ARHGAP10: variants seen among roughly 807,000 people sequenced by gnomAD.
ARHGAP10 encodes the protein rho GTPase-activating protein 10.
In ARHGAP10, 87 loss-of-function variants were observed where a neutral mutation model predicts 108.6. The observed-to-expected ratio is 0.80, with a 90% CI of 0.67 to 0.96. The LOEUF (loss-of-function observed/expected upper bound fraction) is 0.96, where lower values mean the gene tolerates loss of function less well. Among genes scored for constraint, ARHGAP10 ranks in the 40% least tolerant of loss-of-function variants. The probability of loss-of-function intolerance (pLI) is 0.00; values close to 1 mark genes in which losing one functional copy is unlikely to be tolerated. For synonymous variants in ARHGAP10, 347 were observed against 341.1 expected (o/e 1.02, Z -0.19); for missense variants, 939 against 954.5 (o/e 0.98, Z 0.21).
chr4:147,978,782 T>G (rs1412505874), intron 18 of ARHGAP10, among the ~76,000 whole-genome samples: 1 of 152,204 alleles, frequency 6.6e-6, no homozygotes, highest in African/African-American at 2.4e-5. Flanking sequence ...TATCTCATTG[T>G]GGTTTCAATT....
chr4:147,824,581 C>T (rs765900864), intron 3 of ARHGAP10, among the ~76,000 whole-genome samples: 6 of 152,052 alleles, frequency 3.9e-5, no homozygotes, highest in South Asian at 2.1e-4. Flanking sequence ...GGGGAGGCCT[C>T]GGGAAACTTA....
intron 15 of ARHGAP10, among the ~76,000 whole-genome samples, chr4:147,951,926 C>A (rs1738617580): frequency 6.6e-6 from 1 of 152,184 alleles, no homozygotes; most frequent in South Asian, 2.1e-4. Flanking sequence ...TTCCTCCTAC[C>A]ATTTGAAATC....
rs112306845 is a variant in ARHGAP10 at position 148,006,449 on chromosome 4, G to A, written c.1717-16814G>A. On this transcript the variant is annotated intron_variant, in intron 18 of 22. Transcript: ENST00000336498. ...CCGTCTTTTGCCTGACCCCAGCAGC[G>A]TCTGATCATTGTTGCTGTGCCATGC... Among the ~76,000 whole-genome samples, 9 of 152,222 alleles carry A rather than the reference G, an allele frequency of 5.9e-5. 2 individuals carry two copies. Among genetic ancestry groups the A allele is most frequent in the African/African-American group, 1.7e-4 (7 of 41,550 alleles).
At chr4:147,755,063 CAA>C (rs1057072632) in intron 1 of ARHGAP10, among the ~76,000 whole-genome samples, 8 of 142,072 alleles carry the variant, frequency 5.6e-5, no homozygotes, top group Non-Finnish European at 9.1e-5. Context: ...GTCTGGGCGA[CAA>C]GAGTGAAACT....
chr4:147,836,425 T>C (rs1733172911), intron 3 of ARHGAP10, among the ~76,000 whole-genome samples: 1 of 152,226 alleles, frequency 6.6e-6, no homozygotes, highest in African/African-American at 2.4e-5. Flanking sequence ...ATTATCTGTA[T>C]GAAAGCAGAA....
intron 19 of ARHGAP10, among the ~76,000 whole-genome samples, chr4:148,037,600 C>A (rs547024688): frequency 1.3e-5 from 2 of 152,186 alleles, no homozygotes; most frequent in East Asian, 3.9e-4. Flanking sequence ...TTTGGGAGGC[C>A]AAGGCAGGGG....
At chr4:148,000,135 C>G (rs1740644494) in intron 18 of ARHGAP10, among the ~76,000 whole-genome samples, 1 of 151,758 alleles carries the variant, frequency 6.6e-6, no homozygotes, top group Non-Finnish European at 1.5e-5. Flanking sequence ...TCCAAGTGTT[C>G]TCATTGTTCA....
chr4:148,043,642 TA>T (rs1292571601), intron 19 of ARHGAP10, among the ~76,000 whole-genome samples: 2 of 114,420 alleles, frequency 1.7e-5, no homozygotes, highest in African/African-American at 6.2e-5. Flanking sequence ...TATATATATA[TA>T]TATATATATT....
At chr4:147,792,573 C>T (rs952379053) in intron 1 of ARHGAP10, among the ~76,000 whole-genome samples, 12 of 152,176 alleles carry the variant, frequency 7.9e-5, no homozygotes, top group African/African-American at 1.4e-4. Context: ...CTCCGTCTCT[C>T]GGCCTCTTCC....
intron 1 of ARHGAP10, among the ~76,000 whole-genome samples, chr4:147,744,273 G>A (rs1021153299): frequency 6.6e-6 from 1 of 152,090 alleles, no homozygotes; most frequent in Non-Finnish European, 1.5e-5. Flanking sequence ...TTCTCCAAGT[G>A]CAGGGAAAAT....
chr4:147,999,353 C>G (rs1740603528), intron 18 of ARHGAP10, among the ~76,000 whole-genome samples: 1 of 152,200 alleles, frequency 6.6e-6, no homozygotes, highest in Admixed American at 6.5e-5. Flanking sequence ...TTTGTGAGCT[C>G]TGTTTTCACT....
intron 5 of ARHGAP10, among the ~76,000 whole-genome samples, chr4:147,860,153 CAGG>C (rs1193294733): frequency 3.9e-5 from 6 of 152,112 alleles, no homozygotes; most frequent in Non-Finnish European, 8.8e-5. Flanking sequence ...TTGAAAATAA[CAGG>C]AGAAGGCCGG....
chr4:148,009,418 C>T (rs187084275), intron 18 of ARHGAP10, among the ~76,000 whole-genome samples: 25 of 152,164 alleles, frequency 1.6e-4, no homozygotes, highest in Admixed American at 4.6e-4. Flanking sequence ...AGCCATGAGG[C>T]GCCATGCCTG....
intron 19 of ARHGAP10, among the ~76,000 whole-genome samples, chr4:148,044,087 T>C (rs1281502510): frequency 1.3e-5 from 2 of 152,022 alleles, no homozygotes; most frequent in African/African-American, 4.8e-5. Context: ...CTTCTACCAA[T>C]GTTATTTTCA....
chr4:147,863,197 T>G (rs1228137935), intron 5 of ARHGAP10: 1 of 152,208 alleles, frequency 6.6e-6, no homozygotes, highest in Non-Finnish European at 1.5e-5. Context: ...TCTCCAGGGC[T>G]TTTTAAAAAA....
chr4:147,934,963 A>G (rs1737867480), intron 13 of ARHGAP10, among the ~76,000 whole-genome samples: 1 of 152,252 alleles, frequency 6.6e-6, no homozygotes, highest in African/African-American at 2.4e-5. Context: ...TTGAAGGTTT[A>G]GATGGGAATT....
At chr4:147,817,221 C>T (rs1282548122) in intron 1 of ARHGAP10, among the ~76,000 whole-genome samples, 1 of 152,060 alleles carries the variant, frequency 6.6e-6, no homozygotes, top group Admixed American at 6.5e-5. Flanking sequence ...GCTTTCGTTG[C>T]TGGGGTGGGA....
intron 1 of ARHGAP10, among the ~76,000 whole-genome samples, chr4:147,775,745 T>C (rs924645614): frequency 2.6e-5 from 4 of 152,136 alleles, no homozygotes; most frequent in African/African-American, 4.8e-5. Context: ...GCATGGGGGC[T>C]CTAAATCCTT....
At chr4:147,743,417 A>G (rs1728777467) in intron 1 of ARHGAP10, among the ~76,000 whole-genome samples, 1 of 152,204 alleles carries the variant, frequency 6.6e-6, no homozygotes, top group Non-Finnish European at 1.5e-5. Flanking sequence ...AACCAGGTTT[A>G]CTTACTGTGT....
Sources: allele counts gnomAD v4.1 joint callset (sites outside exome capture counted in the v4.1 genomes callset), GRCh38; gene constraint gnomAD v4.1.1; transcripts MANE v1.5; gene names NCBI Gene and HGNC (gene_info 2026-07-23, HGNC 2026-07-21).